Variants in UMAD1 observed in about 807,000 individuals in gnomAD.
UMAD1 encodes UBAP1-MVB12-associated (UMA) domain containing 1, also known as UBAP1-MVB12-associated (UMA)-domain containing protein 1.
In UMAD1, 8 loss-of-function variants were observed where a neutral mutation model predicts 6.1. The observed-to-expected ratio is 1.30, with a 90% CI of 0.76 to 2.35. UMAD1 has a LOEUF of 2.35. Ranked by LOEUF, UMAD1 falls within the 30% of genes most tolerant of loss-of-function variation. The pLI is 0.00. For synonymous variants in UMAD1, 56 were observed against 31.4 expected, an observed-to-expected ratio of 1.78 and a Z score of -2.61; for missense variants, 130 against 78.4, an observed-to-expected ratio of 1.66 and a Z score of -2.49.
chr7:7,779,089 C>T (rs1388098622), intron 2 of UMAD1, among the ~76,000 whole-genome samples: 4 of 152,084 alleles, frequency 2.6e-5, no homozygotes, highest in Non-Finnish European at 5.9e-5. Flanking sequence ...TACTTGCCAC[C>T]ATTTCTATCT....
chr7:7,875,524 C>G (rs181474787), intron 3 of UMAD1, among the ~76,000 whole-genome samples: 7 of 152,270 alleles, frequency 4.6e-5, no homozygotes, highest in Admixed American at 3.3e-4. Flanking sequence ...ACTGATCCCA[C>G]AGAAATACAA....
chr7:7,807,613 TA>T (rs939092589), intron 3 of UMAD1, among the ~76,000 whole-genome samples: 3 of 152,086 alleles, frequency 2.0e-5, no homozygotes, highest in African/African-American at 7.2e-5. Context: ...GAATAGAATT[TA>T]AAAAAGATCT....
In UMAD1 at chr7:7,878,629, A is replaced by G. The variant is rs931591504; in HGVS notation, c.*1091A>G. On this transcript the variant is annotated 3_prime_UTR_variant, in exon 4 of 4. Coordinates refer to ENST00000682710, the MANE Select transcript of UMAD1 (RefSeq NM_001302348.2). ...GTCATGGGAAATTGAAATCACATTTATTTTGATTACCAGCAATATGATTTG... is the reference window on the plus strand; with the variant it reads ...GTCATGGGAAATTGAAATCACATTTGTTTTGATTACCAGCAATATGATTTG... 2.0e-5 allele frequency: 3 copies of G among 152,238 alleles called. No individual in the cohort carries two copies. Among genetic ancestry groups the G allele is most frequent in the African/African-American group, 7.2e-5 (3 of 41,466 alleles). The allele number at this position is 152,238 out of a possible 1,614,324, so 9.4% of individuals were successfully genotyped here. A position where few individuals can be genotyped will look rare whatever the true frequency, so the allele number is the denominator to read the frequency against.
At position 7,830,009 on chromosome 7, in the gene UMAD1, C is replaced by T. The variant is rs1783429323; in HGVS notation, c.156+28266C>T. On this transcript the variant is annotated intron_variant, in intron 3 of 3. Coordinates refer to ENST00000682710, the MANE Select transcript of UMAD1 (RefSeq NM_001302348.2). The surrounding 1 kb of genome is among the most constrained non-coding windows in gnomAD (Gnocchi z 5.3). ...TTTACTACAGAGTCTTCCGACAAAC[C>T]TTCTTCCTTCTGACTTTTGCCTTTC... 6.6e-6 allele frequency among the ~76,000 whole-genome samples: 1 copy of T among 152,156 alleles called. No homozygotes were observed.
At chr7:7,791,870 A>G (rs1050907244) in intron 2 of UMAD1, among the ~76,000 whole-genome samples, 32 of 152,250 alleles carry the variant, frequency 2.1e-4, no homozygotes, top group African/African-American at 7.5e-4. Context: ...AAAATCTAAC[A>G]TGGTGCCTAA....
chr7:7,736,282 G>T (rs1781357811), intron 2 of UMAD1: 1 of 152,414 alleles, frequency 6.6e-6, no homozygotes, highest in Admixed American at 6.5e-5. Flanking sequence ...GATCCCTTTG[G>T]ATTTTTGCAG....
chr7:7,820,237 A>C (rs1203683911), intron 3 of UMAD1, among the ~76,000 whole-genome samples: 1 of 152,338 alleles, frequency 6.6e-6, no homozygotes, highest in South Asian at 2.1e-4. Context: ...TTATAGACTA[A>C]AGCATAGTAA....
intron 3 of UMAD1, among the ~76,000 whole-genome samples, chr7:7,808,153 C>A (rs529354960): frequency 6.6e-6 from 1 of 152,018 alleles, no homozygotes; most frequent in African/African-American, 2.4e-5. Flanking sequence ...GGAAGAGTTA[C>A]AATTCAACCT....
rs956480430 is a variant in UMAD1 at position 7,794,051 on chromosome 7, T to A, written c.83-7619T>A. Among the ~76,000 whole-genome samples the A allele has an allele frequency of 2.0e-5, 3 of 152,358 alleles. No individual in the cohort carries two copies. In the South Asian group the frequency reaches 6.2e-4, roughly 32 times the overall value. On this transcript the variant is annotated intron_variant, in intron 2 of 3. Transcript: ENST00000682710. ...TGCATTCTGAAGGTTTTTCTCATAT[T>A]TTTGACCATAGAAATATTTTTTTCC...
At chr7:7,814,687 C>G (rs1402905685) in intron 3 of UMAD1, among the ~76,000 whole-genome samples, 2 of 151,902 alleles carry the variant, frequency 1.3e-5, no homozygotes, top group African/African-American at 4.8e-5. Context: ...TATACATAAC[C>G]TCTAATTTTA....
intron 2 of UMAD1, among the ~76,000 whole-genome samples, chr7:7,682,067 A>T (rs1323313318): frequency 6.6e-6 from 1 of 152,198 alleles, no homozygotes; most frequent in Non-Finnish European, 1.5e-5. Flanking sequence ...GCAGAATGAA[A>T]TTGGGCAAAC....
At chr7:7,660,579 A>G (rs1273078839) in intron 1 of UMAD1, among the ~76,000 whole-genome samples, 1 of 152,230 alleles carries the variant, frequency 6.6e-6, no homozygotes, top group Non-Finnish European at 1.5e-5. Context: ...TTGGCTGGAT[A>G]TGAAATTCTG....
At chr7:7,827,088 T>C (rs1016014590) in intron 3 of UMAD1, among the ~76,000 whole-genome samples, 2 of 151,474 alleles carry the variant, frequency 1.3e-5, no homozygotes, top group African/African-American at 4.9e-5. Context: ...TAATTCTTTT[T>C]CCCCTGAAGT....
Position 7,786,881 on chromosome 7 carries a change from G to T in UMAD1, c.83-14789G>T, listed in dbSNP as rs138055829. ...AAGCATGGGAGTGGGAGAAGAGAAG[G>T]GATTTGACTGAGACAAGTTGATTTG... is the stretch of plus-strand genomic sequence containing the variant. On this transcript the variant is annotated intron_variant, in intron 2 of 3. Transcript: ENST00000682710. 5.8e-3 allele frequency among the ~76,000 whole-genome samples: 886 copies of T among 152,254 alleles called. 6 individuals carry two copies. Among genetic ancestry groups the T allele is most frequent in the Admixed American group, 0.012 (187 of 15,300 alleles).
rs28912707 is a variant in UMAD1, at chr7:7,695,199, G to A, written c.82+21746G>A. ...TTGTACGTCTTCTTTTGAGAAGCTC[G>A]CTGTTTCCAAGTAGAGAAAATCACT... On this transcript the variant is annotated intron_variant, in intron 2 of 3. Transcript: ENST00000682710. Among the ~76,000 whole-genome samples the A allele has an allele frequency of 7.9e-5, 12 of 152,174 alleles. No individual in the cohort carries two copies. In the East Asian group the frequency reaches 2.3e-3, roughly 29 times the overall value.
chr7:7,755,695 T>TA (rs1049554465), intron 2 of UMAD1, among the ~76,000 whole-genome samples: 3 of 151,948 alleles, frequency 2.0e-5, no homozygotes, highest in African/African-American at 7.3e-5. Context: ...AATTTAAGAT[T>TA]AAAAAAAATC....
At chr7:7,855,586 G>T (rs149123554) in intron 3 of UMAD1, among the ~76,000 whole-genome samples, 2 of 152,184 alleles carry the variant, frequency 1.3e-5, no homozygotes, top group South Asian at 2.1e-4. Flanking sequence ...AGCAGGGGGG[G>T]CCCTAGACCC....
intron 2 of UMAD1, among the ~76,000 whole-genome samples, chr7:7,783,418 G>C (rs1162475365): frequency 6.7e-6 from 1 of 150,204 alleles, no homozygotes; most frequent in Non-Finnish European, 1.5e-5. Context: ...TTTTCTAAAA[G>C]AGAAATTCAG....
At chr7:7,787,725 T>C (rs966369982) in intron 2 of UMAD1, among the ~76,000 whole-genome samples, 2 of 152,196 alleles carry the variant, frequency 1.3e-5, no homozygotes, top group Non-Finnish European at 2.9e-5. Flanking sequence ...CCCTGTTTCT[T>C]CTACCCTTGC....
Sources: allele counts gnomAD v4.1 joint callset (sites outside exome capture counted in the v4.1 genomes callset), GRCh38; gene constraint gnomAD v4.1.1; non-coding constraint Gnocchi (gnomAD v3.1); transcripts MANE v1.5; gene names NCBI Gene and HGNC (gene_info 2026-07-23, HGNC 2026-07-21).